The following EXOC4 variants were observed in gnomAD, a reference collection of about 807,000 sequenced individuals.
EXOC4 encodes SEC8-like 1.
A neutral mutation model predicts 107.2 loss-of-function variants in EXOC4; 71 were observed. The ratio of observed to expected loss-of-function variants is 0.66; its 90% CI spans 0.55 to 0.81. EXOC4 has a LOEUF of 0.81. EXOC4 is among the 30% of genes least tolerant of loss of function. The pLI is 0.00. For missense variants in EXOC4, 1,108 were observed against 1,189.6 expected, an observed-to-expected ratio of 0.93 and a Z score of 1.01; for synonymous variants, 456 against 441.2, an observed-to-expected ratio of 1.03 and a Z score of -0.42.
intron 5 of EXOC4, among the ~76,000 whole-genome samples, chr7:133,320,916 G>A (rs1244392374): frequency 6.6e-6 from 1 of 152,166 alleles, no homozygotes; most frequent in Non-Finnish European, 1.5e-5. Context: ...CAGGAATTTT[G>A]TCTTATTCTT....
chr7:133,853,134 C>T (rs533101756), intron 11 of EXOC4, among the ~76,000 whole-genome samples: 5 of 152,146 alleles, frequency 3.3e-5, no homozygotes, highest in African/African-American at 9.6e-5. Flanking sequence ...TTTAAGCAAT[C>T]GAGGTCGTCT....
chr7:133,537,305 C>CT (rs1262881422), intron 9 of EXOC4, among the ~76,000 whole-genome samples: 2 of 146,822 alleles, frequency 1.4e-5, no homozygotes, highest in Non-Finnish European at 3.0e-5. Flanking sequence ...CACCCCCCCC[C>CT]CCACCACACC....
At chr7:133,801,014 C>A in intron 10 of EXOC4, among the ~76,000 whole-genome samples, 1 of 152,140 alleles carries the variant, frequency 6.6e-6, no homozygotes, top group East Asian at 1.9e-4. Flanking sequence ...CTGCTCAGAA[C>A]CATCTTTGGT....
At chr7:133,971,388 AG>A (rs1563076035) in intron 14 of EXOC4, among the ~76,000 whole-genome samples, 9 of 143,458 alleles carry the variant, frequency 6.3e-5, no homozygotes, top group East Asian at 2.1e-4. Context: ...AGAGAGAGAG[AG>A]AGAGAGAGAG....
intron 17 of EXOC4, among the ~76,000 whole-genome samples, chr7:134,064,054 A>G (rs902628208): frequency 2.0e-5 from 3 of 152,204 alleles, no homozygotes; most frequent in Non-Finnish European, 2.9e-5. Flanking sequence ...ACAGAAAGGT[A>G]TGCGGCCTCC....
intron 11 of EXOC4, among the ~76,000 whole-genome samples, chr7:133,840,171 C>T (rs997074678): frequency 1.4e-4 from 22 of 152,142 alleles, no homozygotes; most frequent in Non-Finnish European, 2.8e-4. Flanking sequence ...GGAATAGATA[C>T]ATTTTCATAT....
At chr7:133,399,613 G>A (rs931912023) in intron 7 of EXOC4, among the ~76,000 whole-genome samples, 2 of 152,208 alleles carry the variant, frequency 1.3e-5, no homozygotes, top group East Asian at 3.8e-4. Flanking sequence ...AGTAGTCACA[G>A]TAAGAGATGC....
chr7:133,653,786 A>C (rs866920243), intron 10 of EXOC4, among the ~76,000 whole-genome samples: 2 of 152,156 alleles, frequency 1.3e-5, no homozygotes, highest in African/African-American at 4.8e-5. Context: ...CAGAATTTGG[A>C]GTGAGCAAAT....
chr7:133,970,464 G>C (rs369172293), intron 14 of EXOC4, among the ~76,000 whole-genome samples: 4 of 152,056 alleles, frequency 2.6e-5, no homozygotes, highest in African/African-American at 9.7e-5. Context: ...GAAACCCAGG[G>C]CCTGGTGGTG....
chr7:133,806,979 T>G (rs1265008245), intron 10 of EXOC4, among the ~76,000 whole-genome samples: 1 of 152,158 alleles, frequency 6.6e-6, no homozygotes, highest in Admixed American at 6.6e-5. Flanking sequence ...CTGATTTTCT[T>G]AAATAAATAC....
At chr7:133,505,881 A>T (rs919772962) in intron 9 of EXOC4, among the ~76,000 whole-genome samples, 1 of 152,158 alleles carries the variant, frequency 6.6e-6, no homozygotes, top group Non-Finnish European at 1.5e-5. Context: ...TGTTGTGTTC[A>T]GCTTAATTGC....
intron 17 of EXOC4, 141 bp downstream of exon 17, chr7:134,007,976 C>T: frequency 2.8e-6 from 2 of 720,298 alleles, no homozygotes; most frequent in Non-Finnish European, 4.2e-6. Context: ...GTTTTTAGGT[C>T]CTATAGAGAA....
rs908997141 is a variant in EXOC4 at position 133,917,652 on chromosome 7, A to G, written c.1941A>G (p.Arg647=). The change falls in exon 13 of 18, where the codon AGA becomes AGG. Residue 647 remains arginine (R), a synonymous_variant. Transcript: ENST00000253861. ...ASWAKDDDIS[R]LLKSLPNWMN... Reference sequence around the variant, plus strand: ...GGGCAAAAGATGATGATATCAGCAGACTCTTGAAATCTCTACCAAACTGGA... The same window carrying G: ...GGGCAAAAGATGATGATATCAGCAGGCTCTTGAAATCTCTACCAAACTGGA... The G allele has an allele frequency of 1.2e-6, 2 of 1,614,090 alleles. No homozygotes were observed. The highest frequency in any genetic ancestry group is 1.3e-5 in the African/African-American group (1 of 75,028).
At chr7:134,059,333 G>C (rs1012558435) in intron 17 of EXOC4, among the ~76,000 whole-genome samples, 1 of 152,138 alleles carries the variant, frequency 6.6e-6, no homozygotes, top group Non-Finnish European at 1.5e-5. Context: ...CCAGGGATGA[G>C]AAAACTCCCT....
intron 11 of EXOC4, among the ~76,000 whole-genome samples, chr7:133,829,641 T>C (rs1346018760): frequency 6.6e-6 from 1 of 152,214 alleles, no homozygotes; most frequent in African/African-American, 2.4e-5. Context: ...CTTCTGAATC[T>C]CTGTGAGGGT....
chr7:133,772,379 C>G (rs1264923996), intron 10 of EXOC4, among the ~76,000 whole-genome samples: 1 of 152,052 alleles, frequency 6.6e-6, no homozygotes, highest in African/African-American at 2.4e-5. Flanking sequence ...CCATTAAATT[C>G]AAACTAGCAG....
At chr7:134,057,891 C>T (rs1225414029) in intron 17 of EXOC4, among the ~76,000 whole-genome samples, 1 of 152,078 alleles carries the variant, frequency 6.6e-6, no homozygotes, top group African/African-American at 2.4e-5. Context: ...TGGTATTTGC[C>T]CAAGGTCACA....
At chr7:133,784,020 G>T (rs1796518665) in intron 10 of EXOC4, among the ~76,000 whole-genome samples, 1 of 152,018 alleles carries the variant, frequency 6.6e-6, no homozygotes, top group Admixed American at 6.6e-5. Context: ...GGAATCATTA[G>T]TTTAAAAACG....
At chr7:133,397,666 CTGTT>C (rs1430462697) in intron 7 of EXOC4, among the ~76,000 whole-genome samples, 2 of 151,966 alleles carry the variant, frequency 1.3e-5, no homozygotes, top group Non-Finnish European at 2.9e-5. Context: ...TTTAACTTTT[CTGTT>C]TGTGATTTTT....
Sources: allele counts gnomAD v4.1 joint callset (sites outside exome capture counted in the v4.1 genomes callset), GRCh38; gene constraint gnomAD v4.1.1; transcripts MANE v1.5; gene names NCBI Gene and HGNC (gene_info 2026-07-23, HGNC 2026-07-21).